Variants in GALNT13 observed in about 807,000 individuals in gnomAD.
The protein encoded by GALNT13 is polypeptide N-acetylgalactosaminyltransferase 13, also known as UDP-GalNAc:polypeptide N-acetylgalactosaminyltransferase 13.
A neutral mutation model predicts 64.2 loss-of-function variants in GALNT13; 28 were observed. The observed-to-expected ratio is 0.44, with a 90% confidence interval of 0.32 to 0.60. The LOEUF is 0.60. Ranked by LOEUF, GALNT13 falls within the 20% of genes least tolerant of loss-of-function variation. The pLI is 0.05. For missense variants in GALNT13, 577 were observed against 669.8 expected (o/e 0.86, Z 1.53); for synonymous variants, 214 against 224.6 (o/e 0.95, Z 0.42).
the GALNT13 span, among the ~76,000 whole-genome samples, chr2:153,531,266 A>G: frequency 6.6e-6 from 1 of 152,210 alleles, no homozygotes; most frequent in Non-Finnish European, 1.5e-5. Context: ...CTATCTGCTC[A>G]GCTTCTGGGG....
the GALNT13 span, among the ~76,000 whole-genome samples, chr2:153,310,077 C>A: frequency 6.6e-6 from 1 of 152,090 alleles, no homozygotes; most frequent in African/African-American, 2.4e-5. Flanking sequence ...ACTTTAAAAA[C>A]CTATAGGTAA....
chr2:153,738,338 G>T, the GALNT13 span, among the ~76,000 whole-genome samples: 1 of 151,842 alleles, frequency 6.6e-6, no homozygotes, highest in Non-Finnish European at 1.5e-5. Context: ...GTCCCAACAT[G>T]GAAATTTGAA....
the GALNT13 span, among the ~76,000 whole-genome samples, chr2:153,839,220 C>A: frequency 2.6e-5 from 4 of 151,798 alleles, no homozygotes; most frequent in Non-Finnish European, 5.9e-5. Context: ...GAGAGTTTTA[C>A]TCCTCATTTC....
At chr2:154,281,953 T>G (rs758295620) in intron 8 of GALNT13, among the ~76,000 whole-genome samples, 30 of 152,012 alleles carry the variant, frequency 2.0e-4, no homozygotes, top group Non-Finnish European at 3.7e-4. Context: ...CTTTAGAAAA[T>G]GAGTAAGTAT....
chr2:153,116,945 G>T, the GALNT13 span, among the ~76,000 whole-genome samples: 1 of 151,520 alleles, frequency 6.6e-6, no homozygotes, highest in Non-Finnish European at 1.5e-5. Context: ...GACTACAGGC[G>T]CCCGCCACCA....
At chr2:153,533,488 G>T in the GALNT13 span, among the ~76,000 whole-genome samples, 1 of 151,902 alleles carries the variant, frequency 6.6e-6, no homozygotes, top group African/African-American at 2.4e-5. Context: ...CTGACCTCAG[G>T]TGATCCACCG....
chr2:153,997,702 G>A (rs1695614411), intron 3 of GALNT13, among the ~76,000 whole-genome samples: 2 of 152,064 alleles, frequency 1.3e-5, no homozygotes, highest in Admixed American at 1.3e-4. Flanking sequence ...GTGCAGATTT[G>A]TAACATAGGT....
the GALNT13 span, among the ~76,000 whole-genome samples, chr2:153,469,560 T>C: frequency 6.6e-6 from 1 of 152,072 alleles, no homozygotes; most frequent in African/African-American, 2.4e-5. Flanking sequence ...TCAATTTCCA[T>C]GCGCATGAGA....
chr2:153,477,974 C>T, the GALNT13 span: 12 of 507,540 alleles, frequency 2.4e-5, no homozygotes, highest in Admixed American at 3.4e-4. Context: ...TAAGTAGCAG[C>T]TTCCAAAGTT....
chr2:154,120,572 C>T (rs1227624864), intron 3 of GALNT13, among the ~76,000 whole-genome samples: 1 of 152,024 alleles, frequency 6.6e-6, no homozygotes, highest in African/African-American at 2.4e-5. Flanking sequence ...TAGAAGTCTC[C>T]CTGGCTCAGC....
At chr2:153,275,075 A>G in the GALNT13 span, among the ~76,000 whole-genome samples, 1 of 152,190 alleles carries the variant, frequency 6.6e-6, no homozygotes, top group Non-Finnish European at 1.5e-5. Flanking sequence ...GTCAAATAAA[A>G]CAATATTTAA....
intron 3 of GALNT13, among the ~76,000 whole-genome samples, chr2:154,096,397 C>A (rs1237252590): frequency 6.6e-6 from 1 of 152,114 alleles, no homozygotes; most frequent in East Asian, 1.9e-4. Context: ...CCTTTCCAAC[C>A]ACTGTGACAT....
chr2:153,336,879 G>A, the GALNT13 span, among the ~76,000 whole-genome samples: 1 of 152,144 alleles, frequency 6.6e-6, no homozygotes, highest in African/African-American at 2.4e-5. Context: ...CCAGGGGGAG[G>A]CAATTGAATA....
chr2:153,566,297 G>A, the GALNT13 span, among the ~76,000 whole-genome samples: 2 of 144,018 alleles, frequency 1.4e-5, no homozygotes, highest in African/African-American at 5.2e-5. Flanking sequence ...TATAATAGGT[G>A]TATTAGATGT....
chr2:153,649,245 T>A, the GALNT13 span, among the ~76,000 whole-genome samples: 10 of 152,360 alleles, frequency 6.6e-5, no homozygotes, highest in African/African-American at 1.9e-4. Context: ...TTCTAGTTTA[T>A]TTGCACAGAG....
intron 9 of GALNT13, among the ~76,000 whole-genome samples, chr2:154,322,144 C>CTTTTTTTTTTTT (rs70983718): frequency 6.0e-5 from 1 of 16,612 alleles, no homozygotes; most frequent in Non-Finnish European, 1.0e-4. Context: ...AAAATATGTA[C>CTTTTTTTTTTTT]TTTTTTTTTT....
At chr2:153,805,336 GA>G in the GALNT13 span, among the ~76,000 whole-genome samples, 1 of 151,848 alleles carries the variant, frequency 6.6e-6, no homozygotes, top group Non-Finnish European at 1.5e-5. Flanking sequence ...ATTCCAAAAC[GA>G]AATTGAGTAA....
At chr2:153,624,273 CTG>C in the GALNT13 span, among the ~76,000 whole-genome samples, 1 of 152,100 alleles carries the variant, frequency 6.6e-6, no homozygotes, top group East Asian at 1.9e-4. Context: ...GAGCCTATTT[CTG>C]TGTGACATTT....
intron 9 of GALNT13, among the ~76,000 whole-genome samples, chr2:154,349,298 GA>G (rs1052333013): frequency 3.3e-5 from 5 of 152,226 alleles, no homozygotes; most frequent in Admixed American, 3.3e-4. Context: ...ATGAAATGTG[GA>G]TAAAATACAA....
Sources: allele counts gnomAD v4.1 joint callset (sites outside exome capture counted in the v4.1 genomes callset), GRCh38; gene constraint gnomAD v4.1.1; transcripts MANE v1.5; gene names NCBI Gene and HGNC (gene_info 2026-07-23, HGNC 2026-07-21).